Variants in ZNF34 observed in about 807,000 individuals in gnomAD.
ZNF34 encodes zinc finger protein 34.
Under a neutral mutation model 14.4 loss-of-function variants are expected in ZNF34, and 8 were observed. That is an observed-to-expected ratio of 0.55 (90% CI 0.33 to 1.00). The LOEUF is 1.00. Ranked by LOEUF, ZNF34 falls within the 50% of genes least tolerant of loss-of-function variation. The probability of loss-of-function intolerance (pLI) is 0.03; values close to 1 mark genes in which losing one functional copy is unlikely to be tolerated. For synonymous variants in ZNF34, 235 were observed against 247.9 expected, an observed-to-expected ratio of 0.95 and a Z score of 0.49; for missense variants, 538 against 674.2, an observed-to-expected ratio of 0.80 and a Z score of 2.24.
chr8:144,785,988 T>G (rs1826208086), intron 1 of ZNF34, among the ~76,000 whole-genome samples: 1 of 145,564 alleles, frequency 6.9e-6, no homozygotes, highest in Non-Finnish European at 1.5e-5. Context: ...AGTTTTTTTT[T>G]TTTTTTTTTT....
At chr8:144,782,842 CAAAAAAAAA>C (rs548252812) in intron 1 of ZNF34, among the ~76,000 whole-genome samples, 3 of 22,966 alleles carry the variant, frequency 1.3e-4, no homozygotes, top group Non-Finnish European at 1.9e-4. Flanking sequence ...AAGCCTATCT[CAAAAAAAAA>C]AAAAAAAAAA....
In ZNF34 at chr8:144,777,931, A is replaced by G; in HGVS notation, c.160+107T>C. The G allele has an allele frequency of 6.7e-7, 1 of 1,495,872 alleles. No homozygotes were observed. The highest frequency in any genetic ancestry group is 9.1e-7 in the Non-Finnish European group (1 of 1,100,478). The allele number at this position is 1,495,872 out of a possible 1,614,324, so 92.7% of individuals were successfully genotyped here. On this transcript the variant is annotated intron_variant, in intron 4 of 5. Coordinates refer to ENST00000429371, the MANE Select transcript of ZNF34 (RefSeq NM_001286769.2). The surrounding 1 kb of genome is among the most constrained non-coding windows in gnomAD (Gnocchi z 4.8). ...CAGATCAGGTGCCTGCCTGGGATAA[A>G]GGTCATCACCTATCTGTGCCCAGGG...
intron 5 of ZNF34, among the ~76,000 whole-genome samples, chr8:144,776,431 C>A (rs894770701): frequency 3.3e-5 from 5 of 151,154 alleles, no homozygotes; most frequent in South Asian, 2.1e-4. Flanking sequence ...GAAACCCTGT[C>A]TCTACTAAAA....
At chr8:144,786,761 G>A (rs1826265376) in intron 1 of ZNF34, among the ~76,000 whole-genome samples, 1 of 152,052 alleles carries the variant, frequency 6.6e-6, no homozygotes, top group Non-Finnish European at 1.5e-5. Flanking sequence ...CAGAAGCGAG[G>A]AGGGTGGGGC....
At position 144,777,888 on chromosome 8, in the gene ZNF34, CTCTTCCCCTCA is replaced by C; in HGVS notation, c.160+139_160+149del. 2 of 1,242,020 alleles carry C rather than the reference CTCTTCCCCTCA, an allele frequency of 1.6e-6. No individual in the cohort carries two copies. Among genetic ancestry groups the C allele is most frequent in the Non-Finnish European group, 2.2e-6 (2 of 895,322 alleles). The allele number at this position is 1,242,020 out of a possible 1,614,324, so 76.9% of individuals were successfully genotyped here. A position where few individuals can be genotyped will look rare whatever the true frequency, so the allele number is the denominator to read the frequency against. Reference sequence around the variant, plus strand: ...CTGACTCAGGAAGGTCCCAGCACTGCTCTTCCCCTCATCTTCTCAGATCAGGTGCCTGCCTG... The same window carrying C: ...CTGACTCAGGAAGGTCCCAGCACTGCTCTTCTCAGATCAGGTGCCTGCCTG... On this transcript the variant is annotated intron_variant, in intron 4 of 5. Coordinates refer to ENST00000429371, the MANE Select transcript of ZNF34 (RefSeq NM_001286769.2). This position sits in a 1 kb window ranked among gnomAD's most constrained non-coding sequence, Gnocchi z 4.8.
chr8:144,773,939 C>T lies in ZNF34; in HGVS notation c.947G>A (p.Cys316Tyr). 6.2e-7 allele frequency: 1 copy of T among 1,614,114 alleles called. No homozygotes were observed. Among genetic ancestry groups the T allele is most frequent in the Non-Finnish European group, 8.5e-7 (1 of 1,180,032 alleles). The change falls in exon 6 of 6, where the codon TGT becomes TAT. Residue 316 changes from cysteine to tyrosine, a missense_variant. Around this residue, in one of 3 missense-constraint regions of ZNF34, gnomAD observed 431 missense variants for 525.7 expected, o/e 0.82. Coordinates refer to ENST00000429371, the MANE Select transcript of ZNF34 (RefSeq NM_001286769.2). The surrounding 1 kb of genome is among the most constrained non-coding windows in gnomAD (Gnocchi z 5.4). ...GCTAAAGTGCTTCCCACACTCCCCACACTTGTAGGGTTTCTCCCCAGTGTG... is the reference window on the plus strand; with the variant it reads ...GCTAAAGTGCTTCCCACACTCCCCATACTTGTAGGGTTTCTCCCCAGTGTG... ...RIHTGEKPYKCGECGKHFSAY... is the reference protein window; with the variant it reads ...RIHTGEKPYKYGECGKHFSAY...
At chr8:144,785,080 G>A (rs1826137134) in intron 1 of ZNF34, among the ~76,000 whole-genome samples, 3 of 125,076 alleles carry the variant, frequency 2.4e-5, no homozygotes, top group African/African-American at 9.6e-5. Context: ...TGGTGTCACT[G>A]CACTCCAGCC....
At position 144,774,583 on chromosome 8, in the gene ZNF34, G is replaced by A. The variant is rs531138625; in HGVS notation, c.303C>T (p.Tyr101=). The change falls in exon 6 of 6, where the codon TAC becomes TAT. Residue 101 remains tyrosine (Y), a synonymous_variant. Coordinates refer to ENST00000429371, the MANE Select transcript of ZNF34 (RefSeq NM_001286769.2). ...NSPALGTRTE[Y]KELTSQETFG... is the part of the protein sequence containing the mutation. ...ATGTCTCCTGTGAAGTCAACTCCTTGTACTCAGTTCTGGTCCCAAGAGCTG... is the reference window on the plus strand; with the variant it reads ...ATGTCTCCTGTGAAGTCAACTCCTTATACTCAGTTCTGGTCCCAAGAGCTG... 584 of 1,613,676 alleles carry A rather than the reference G, an allele frequency of 3.6e-4. 6 individuals carry two copies. In the South Asian group the frequency reaches 6.1e-3, roughly 17 times the overall value.
At position 144,773,317 on chromosome 8, in the gene ZNF34, G is replaced by A; in HGVS notation, c.1569C>T (p.Ser523=). The A allele has an allele frequency of 1.2e-6, 2 of 1,614,062 alleles. No individual in the cohort carries two copies. The highest frequency in any genetic ancestry group is 8.5e-7 in the Non-Finnish European group (1 of 1,179,930). Residue 523 remains serine, a synonymous_variant, in exon 6 of 6, where the codon TCC becomes TCT. Coordinates refer to ENST00000429371, the MANE Select transcript of ZNF34 (RefSeq NM_001286769.2). This position sits in a 1 kb window ranked among gnomAD's most constrained non-coding sequence, Gnocchi z 5.4. ...SECGKAFRHS[S]NMCQHQRIHL... ...GAATCCGCTGATGCTGACACATGTT[G>A]GAACTGTGCCGGAAGGCCTTCCCAC... is the stretch of plus-strand genomic sequence containing the variant.
rs772935473 is a variant in ZNF34, at chr8:144,774,133, A to C, written c.753T>G (p.Leu251=). 2 of 1,614,112 alleles carry C rather than the reference A, an allele frequency of 1.2e-6. No individual in the cohort carries two copies. Among genetic ancestry groups the C allele is most frequent in the South Asian group, 2.2e-5 (2 of 91,088 alleles). Residue 251 remains leucine, a synonymous_variant, in exon 6 of 6, where the codon CTT becomes CTG. Coordinates refer to ENST00000429371, the MANE Select transcript of ZNF34 (RefSeq NM_001286769.2). ...ATTTGTAGGGCTTCTCTTCAGTGTG[A>C]AGCCGCTGATGCTTGACAAGGTTGG... ...YSANLVKHQR[L]HTEEKPYKCD...
In ZNF34 at chr8:144,773,936, C is replaced by T. The variant is rs750217445; in HGVS notation, c.950G>A (p.Gly317Glu). 3.7e-6 allele frequency: 6 copies of T among 1,613,962 alleles called. No homozygotes were observed. The South Asian group carries it at 5.5e-5, about 15-fold the overall frequency. The change falls in exon 6 of 6, where the codon GGG becomes GAG. Residue 317 changes from glycine (G) to glutamate (E), a missense_variant. Gly to Glu is a moderately conservative substitution (Grantham distance 98, BLOSUM62 -2). Transcript: ENST00000429371. This position sits in a 1 kb window ranked among gnomAD's most constrained non-coding sequence, Gnocchi z 5.4. ...GGCGCTAAAGTGCTTCCCACACTCC[C>T]CACACTTGTAGGGTTTCTCCCCAGT... The part of the protein sequence containing the change: ...IHTGEKPYKC[G>E]ECGKHFSAYS...
intron 1 of ZNF34, among the ~76,000 whole-genome samples, chr8:144,780,615 C>T (rs758035111): frequency 6.6e-6 from 1 of 151,730 alleles, no homozygotes; most frequent in Non-Finnish European, 1.5e-5. Flanking sequence ...TGTGGTGAAA[C>T]CCTGTCTCTA....
intron 1 of ZNF34, among the ~76,000 whole-genome samples, chr8:144,780,756 T>A (rs1306440358): frequency 4.0e-5 from 6 of 151,732 alleles, no homozygotes; most frequent in Non-Finnish European, 8.8e-5. Context: ...GCCATCGCAC[T>A]CCAGCCTGGG....
In ZNF34 at chr8:144,774,364, G is replaced by T; in HGVS notation, c.522C>A (p.His174Gln). 6.2e-7 allele frequency: 1 copy of T among 1,612,932 alleles called. No individual in the cohort carries two copies. ...AACTTTGCTCACATATATCACATTT[G>T]TGAGGTCTCTGATCAGGAACAGGTC... ...LSRPVPDQRPHKCDICEQSFE... is the reference protein window; with the variant it reads ...LSRPVPDQRPQKCDICEQSFE... The change falls in exon 6 of 6, where the codon CAC (histidine) becomes CAA (glutamine). Residue 174 changes from histidine (H) to glutamine (Q), a missense_variant. Physicochemically the swap from His to Gln is conservative, Grantham distance 24. This residue lies in a region of ZNF34 where 431 missense variants were observed against 525.7 expected (regional missense o/e 0.82). Transcript: ENST00000429371.
intron 1 of ZNF34, among the ~76,000 whole-genome samples, chr8:144,782,109 G>A (rs1467375850): frequency 6.6e-6 from 1 of 151,764 alleles, no homozygotes; most frequent in Non-Finnish European, 1.5e-5. Context: ...GGATCACGAG[G>A]TCAAGAGATC....
Position 144,786,943 on chromosome 8 carries a change from T to C in ZNF34, c.-108+336A>G, listed in dbSNP as rs993010356. On this transcript the variant is annotated intron_variant, in intron 1 of 5. Coordinates refer to ENST00000429371, the MANE Select transcript of ZNF34 (RefSeq NM_001286769.2). ...GCCGGGATGGGAAGCCTCGGGCCGCTGGGACCAAGGGGTCTGGAGCGCATC... is the reference window on the plus strand; with the variant it reads ...GCCGGGATGGGAAGCCTCGGGCCGCCGGGACCAAGGGGTCTGGAGCGCATC... Among the ~76,000 whole-genome samples the C allele has an allele frequency of 1.2e-3, 182 of 152,134 alleles. 1 individual carries two copies. Among genetic ancestry groups the C allele is most frequent in the African/African-American group, 4.3e-3 (177 of 41,516 alleles).
chr8:144,785,673 T>C (rs999782193), intron 1 of ZNF34: 2 of 152,186 alleles, frequency 1.3e-5, no homozygotes, highest in Non-Finnish European at 2.9e-5. Context: ...TAATACCAAA[T>C]GTTCAGAACA....
Position 144,777,325 on chromosome 8 carries a change from G to C in ZNF34, c.280+133C>G. 8.0e-7 allele frequency: 1 copy of C among 1,257,566 alleles called. No homozygotes were observed. The highest frequency in any genetic ancestry group is 1.1e-6 in the Non-Finnish European group (1 of 932,478). The allele number at this position is 1,257,566 out of a possible 1,614,324, so 77.9% of individuals were successfully genotyped here. A position where few individuals can be genotyped will look rare whatever the true frequency, so the allele number is the denominator to read the frequency against. ...GAGGGGTCACCTGGGCTTCAGCAAA[G>C]GCCACTGTCAGGCCTCCTGTGCTAG... On this transcript the variant is annotated intron_variant, in intron 5 of 5. Coordinates refer to ENST00000429371, the MANE Select transcript of ZNF34 (RefSeq NM_001286769.2). This position sits in a 1 kb window ranked among gnomAD's most constrained non-coding sequence, Gnocchi z 4.8.
intron 5 of ZNF34, 47 bp from the exon 6 acceptor site, chr8:144,774,652 G>A (rs1825391054): frequency 6.4e-7 from 1 of 1,554,674 alleles, no homozygotes; most frequent in Non-Finnish European, 8.7e-7. Context: ...TCTGACTCTG[G>A]AAGGTAGGCA....
Sources: gnomAD v4.1 joint callset for allele counts (sites outside exome capture counted in the v4.1 genomes callset) on GRCh38, gnomAD v4.1.1 for gene constraint, gnomAD v4.1.1 regional missense constraint, Gnocchi (gnomAD v3.1) non-coding constraint, MANE v1.5 for transcripts, NCBI Gene and HGNC (gene_info 2026-07-23, HGNC 2026-07-21) for gene names.